Variants in ACER3 observed in about 807,000 individuals in gnomAD.
The protein encoded by ACER3 is alkaline ceramidase 3.
ACER3 carries 16 observed loss-of-function variants against 48.9 expected under a neutral mutation model. The observed-to-expected ratio is 0.33, with a 90% CI of 0.22 to 0.50. The LOEUF (loss-of-function observed/expected upper bound fraction) is 0.50. Among genes scored for constraint, ACER3 ranks in the 20% least tolerant of loss-of-function variants. The pLI is 0.98. For synonymous variants in ACER3, 109 were observed against 107.8 expected, an observed-to-expected ratio of 1.01 and a Z score of -0.07; for missense variants, 227 against 326.0, an observed-to-expected ratio of 0.70 and a Z score of 2.34.
chr11:76,863,354 T>C (rs144347797), intron 1 of ACER3, among the ~76,000 whole-genome samples: 5 of 152,246 alleles, frequency 3.3e-5, no homozygotes, highest in African/African-American at 4.8e-5. Flanking sequence ...CTCAATGTGC[T>C]CAGAAGAGGA....
intron 2 of ACER3, among the ~76,000 whole-genome samples, chr11:76,940,589 C>T (rs1219100754): frequency 6.6e-6 from 1 of 152,142 alleles, no homozygotes; most frequent in East Asian, 1.9e-4. Flanking sequence ...AAGCTAGGAA[C>T]AGAAGTGGGT....
At position 76,927,965 on chromosome 11, in the gene ACER3, A is replaced by G. The variant is rs1002221639; in HGVS notation, c.214+1298A>G. Among the ~76,000 whole-genome samples, 1,171 of 152,096 alleles carry G rather than the reference A, an allele frequency of 7.7e-3. 7 individuals carry two copies. The highest frequency in any genetic ancestry group is 0.026 in the African/African-American group (1,099 of 41,476). ...TAGCAGCATGATTTATAATCCTTTGAGTATATACCCAATAATGGGATGGCT... is the reference window on the plus strand; with the variant it reads ...TAGCAGCATGATTTATAATCCTTTGGGTATATACCCAATAATGGGATGGCT... On this transcript the variant is annotated intron_variant, in intron 2 of 10. Coordinates refer to ENST00000532485, the MANE Select transcript of ACER3 (RefSeq NM_018367.7).
At chr11:76,877,418 A>G (rs557570980) in intron 1 of ACER3, among the ~76,000 whole-genome samples, 2 of 152,210 alleles carry the variant, frequency 1.3e-5, no homozygotes. Flanking sequence ...ATTCATTTAT[A>G]CAAAATGATA....
intron 1 of ACER3, among the ~76,000 whole-genome samples, chr11:76,895,427 G>A (rs1349593964): frequency 1.3e-5 from 2 of 152,140 alleles, no homozygotes; most frequent in African/African-American, 4.8e-5. Flanking sequence ...TTAGGGCCAC[G>A]AGCAGAAGGA....
intron 2 of ACER3, among the ~76,000 whole-genome samples, chr11:76,943,692 T>A (rs1947398107): frequency 6.6e-6 from 1 of 151,940 alleles, no homozygotes; most frequent in African/African-American, 2.4e-5. Context: ...AAGTCCAATG[T>A]TTCTTTGCTA....
chr11:76,868,218 A>T, intron 1 of ACER3: 3 of 1,289,794 alleles, frequency 2.3e-6, no homozygotes, highest in Non-Finnish European at 3.0e-6. Flanking sequence ...CAGAGGTGAC[A>T]TCCCTGTCAT....
At chr11:76,973,135 T>G (rs1948352466) in intron 3 of ACER3, among the ~76,000 whole-genome samples, 1 of 152,194 alleles carries the variant, frequency 6.6e-6, no homozygotes, top group Non-Finnish European at 1.5e-5. Context: ...ACAGCCATGA[T>G]GGGGCCTTTC....
chr11:76,942,930 C>T (rs1565191071), intron 2 of ACER3, among the ~76,000 whole-genome samples: 1 of 151,726 alleles, frequency 6.6e-6, no homozygotes, highest in African/African-American at 2.4e-5. Flanking sequence ...TGTATGTTTC[C>T]CAGAATTTAT....
intron 3 of ACER3, among the ~76,000 whole-genome samples, chr11:76,968,330 G>A (rs1043659358): frequency 1.3e-5 from 2 of 151,976 alleles, no homozygotes; most frequent in African/African-American, 4.8e-5. Context: ...ATGCTCATGG[G>A]TAGGAAGAAT....
intron 2 of ACER3, among the ~76,000 whole-genome samples, chr11:76,953,467 G>A (rs898739758): frequency 1.3e-5 from 2 of 152,004 alleles, no homozygotes; most frequent in Non-Finnish European, 2.9e-5. Context: ...GCATGGTGGT[G>A]GGTGCCTGTA....
In ACER3 at chr11:76,921,738, A is replaced by G. The variant is rs369435787; in HGVS notation, c.104-4819A>G. ...GATTTTTATTAGTATTATGTCTTATATGTCTTTGTCAGATTTATTCCTAGA... is the reference window on the plus strand; with the variant it reads ...GATTTTTATTAGTATTATGTCTTATGTGTCTTTGTCAGATTTATTCCTAGA... On this transcript the variant is annotated intron_variant, in intron 1 of 10. Coordinates refer to ENST00000532485, the MANE Select transcript of ACER3 (RefSeq NM_018367.7). Among the ~76,000 whole-genome samples, 13 of 152,202 alleles carry G rather than the reference A, an allele frequency of 8.5e-5. No homozygotes were observed. The East Asian group carries it at 2.5e-3, about 29-fold the overall frequency.
intron 3 of ACER3, among the ~76,000 whole-genome samples, chr11:76,969,651 T>G (rs1230506695): frequency 6.6e-6 from 1 of 151,652 alleles, no homozygotes; most frequent in Non-Finnish European, 1.5e-5. Flanking sequence ...TGTAGGGACA[T>G]GGATGAAGCT....
intron 2 of ACER3, among the ~76,000 whole-genome samples, chr11:76,937,736 A>C (rs914603343): frequency 6.6e-6 from 1 of 152,210 alleles, no homozygotes; most frequent in Non-Finnish European, 1.5e-5. Flanking sequence ...GAAAAGATAG[A>C]GGAGAGAGTG....
chr11:76,923,161 C>A (rs920609644), intron 1 of ACER3, among the ~76,000 whole-genome samples: 23 of 138,110 alleles, frequency 1.7e-4, no homozygotes, highest in East Asian at 4.3e-4. Flanking sequence ...AAAAAAAAAA[C>A]AAACCCAGCT....
intron 1 of ACER3, among the ~76,000 whole-genome samples, chr11:76,897,265 G>A (rs1945956952): frequency 6.6e-6 from 1 of 152,048 alleles, no homozygotes; most frequent in Non-Finnish European, 1.5e-5. Flanking sequence ...CCAGGGAGGA[G>A]AACTTTAATA....
At chr11:76,872,408 C>G (rs931004723) in intron 1 of ACER3, among the ~76,000 whole-genome samples, 1 of 152,158 alleles carries the variant, frequency 6.6e-6, no homozygotes, top group Non-Finnish European at 1.5e-5. Flanking sequence ...AAACTATGCA[C>G]TTAACTACCA....
At chr11:76,883,873 A>G (rs1945603766) in intron 1 of ACER3, among the ~76,000 whole-genome samples, 1 of 152,166 alleles carries the variant, frequency 6.6e-6, no homozygotes, top group Non-Finnish European at 1.5e-5. Flanking sequence ...GCCAGCAGTT[A>G]GATTCTGATC....
chr11:76,966,639 C>T (rs1374817326), intron 3 of ACER3, among the ~76,000 whole-genome samples: 13 of 150,846 alleles, frequency 8.6e-5, no homozygotes, highest in African/African-American at 2.7e-4. Flanking sequence ...AACTAGAACT[C>T]AGGATTAAGA....
chr11:76,970,226 C>G (rs1044111373), intron 3 of ACER3, among the ~76,000 whole-genome samples: 2 of 152,138 alleles, frequency 1.3e-5, no homozygotes, highest in Non-Finnish European at 2.9e-5. Context: ...TCATGTTTCT[C>G]TGGGGTCCCC....
Sources: allele counts gnomAD v4.1 joint callset (sites outside exome capture counted in the v4.1 genomes callset), GRCh38; gene constraint gnomAD v4.1.1; transcripts MANE v1.5; gene names NCBI Gene and HGNC (gene_info 2026-07-23, HGNC 2026-07-21).